BCAT2: variants seen among roughly 807,000 people sequenced by gnomAD.
BCAT2 encodes branched-chain-amino-acid aminotransferase, mitochondrial.
In BCAT2, 44 loss-of-function variants were observed where a neutral mutation model predicts 52.9. The observed-to-expected ratio is 0.83, with a 90% confidence interval of 0.65 to 1.07. BCAT2 has a LOEUF of 1.07. Ranked by LOEUF, BCAT2 falls within the 50% of genes least tolerant of loss-of-function variation. BCAT2 has a pLI of 0.00. For missense variants in BCAT2, 478 were observed against 521.8 expected, an observed-to-expected ratio of 0.92 and a Z score of 0.82; for synonymous variants, 215 against 217.1, an observed-to-expected ratio of 0.99 and a Z score of 0.08.
In BCAT2 at chr19:48,807,787, C is replaced by T. The variant is rs1045271390; in HGVS notation, c.25-713G>A. The T allele has an allele frequency of 9.1e-6, 9 of 985,716 alleles. No homozygotes were observed. The African/African-American group carries it at 1.6e-4, about 17-fold the overall frequency. The allele number at this position is 985,716 out of a possible 1,614,324, so 61.1% of individuals were successfully genotyped here. On this transcript the variant is annotated intron_variant, in intron 1 of 10. Coordinates refer to ENST00000316273, the MANE Select transcript of BCAT2 (RefSeq NM_001190.4). This position sits in a 1 kb window ranked among gnomAD's most constrained non-coding sequence, Gnocchi z 4.6. ...TACAAACCCATTTTGGCAGTGACTCCAATTCCCTTCAGCCCCTGGGGCTGA... is the reference window on the plus strand; with the variant it reads ...TACAAACCCATTTTGGCAGTGACTCTAATTCCCTTCAGCCCCTGGGGCTGA...
At chr19:48,800,434 T>C (rs1200595889) in intron 3 of BCAT2, 137 bp from the exon 4 acceptor site, 3 of 725,410 alleles carry the variant, frequency 4.1e-6, no homozygotes, top group Admixed American at 2.6e-5. Context: ...CGGGGAGATT[T>C]AGCAGCTGGG....
intron 10 of BCAT2, 133 bp downstream of exon 10, chr19:48,796,295 G>T (rs765685326): frequency 2.6e-6 from 3 of 1,164,212 alleles, no homozygotes; most frequent in Non-Finnish European, 1.2e-6. Context: ...ACTCTCCAGG[G>T]CCTCAATAAG....
intron 10 of BCAT2, chr19:48,796,059 C>G (rs562670055): frequency 2.3e-6 from 1 of 425,888 alleles, no homozygotes; most frequent in Non-Finnish European, 4.2e-6. Flanking sequence ...CCAGGGCACC[C>G]GGGGCAGCAG....
rs1212249515 is a variant in BCAT2, at chr19:48,809,159, G to A, written c.24+1825C>T. On this transcript the variant is annotated intron_variant, in intron 1 of 10. Transcript: ENST00000316273. ...GTGGATCGCTTGAGCCCATCTACTCGGGAGGCTGAGGCACCACAGTCACTT... is the reference window on the plus strand; with the variant it reads ...GTGGATCGCTTGAGCCCATCTACTCAGGAGGCTGAGGCACCACAGTCACTT... Among the ~76,000 whole-genome samples the A allele has an allele frequency of 3.4e-5, 5 of 148,496 alleles. No individual in the cohort carries two copies. The East Asian group carries it at 6.0e-4, about 18-fold the overall frequency.
chr19:48,806,534 G>A lies in BCAT2; in HGVS notation c.283C>T (p.Leu95Phe), dbSNP rs1322420040. The A allele has an allele frequency of 1.9e-5, 31 of 1,613,884 alleles. No individual in the cohort carries two copies. The highest frequency in any genetic ancestry group is 2.7e-5 in the African/African-American group (2 of 74,940). The change falls in exon 3 of 11, where the codon CTC becomes TTC. Residue 95 changes from leucine (L) to phenylalanine (F), a missense_variant. Physicochemically the swap from Leu to Phe is conservative, Grantham distance 22. Coordinates refer to ENST00000316273, the MANE Select transcript of BCAT2 (RefSeq NM_001190.4). The part of the protein sequence containing the change: ...NLTLHPASSS[L>F]HYSLQLFEGM... ...CATGCCACCTGCAGGGAGTAGTGGAGGCTGGAGGAGGCTGGGTGCAGCGTG... is the reference window on the plus strand; with the variant it reads ...CATGCCACCTGCAGGGAGTAGTGGAAGCTGGAGGAGGCTGGGTGCAGCGTG...
At chr19:48,810,787 G>A (rs2034904115) in intron 1 of BCAT2, 197 bp downstream of exon 1, 5 of 1,056,086 alleles carry the variant, frequency 4.7e-6, no homozygotes, top group African/African-American at 2.1e-5. Flanking sequence ...CACCTCATCC[G>A]CGTCTACCTG....
chr19:48,806,251 A>T (rs1437306428), intron 3 of BCAT2, among the ~76,000 whole-genome samples: 1 of 150,496 alleles, frequency 6.6e-6, no homozygotes, highest in Non-Finnish European at 1.5e-5. Flanking sequence ...TGGCCTCCAC[A>T]GGGCCTCCAT....
At chr19:48,800,916 C>A (rs1225776424) in intron 3 of BCAT2, among the ~76,000 whole-genome samples, 3 of 152,160 alleles carry the variant, frequency 2.0e-5, no homozygotes, top group Non-Finnish European at 4.4e-5. Flanking sequence ...GACACGTTTA[C>A]CAGACAGCCT....
chr19:48,795,643 C>T (rs1456152652), intron 10 of BCAT2, among the ~76,000 whole-genome samples, 179 bp from the exon 11 acceptor site: 1 of 152,164 alleles, frequency 6.6e-6, no homozygotes, highest in Non-Finnish European at 1.5e-5. Flanking sequence ...TAAGGCGGCG[C>T]AGAGGCTTCC....
chr19:48,806,784 T>C, intron 2 of BCAT2, 67 bp from the exon 3 acceptor site: 1 of 1,568,964 alleles, frequency 6.4e-7, no homozygotes, highest in Non-Finnish European at 8.7e-7. Context: ...ACAACTCCCA[T>C]GAAGCCCTGG....
At chr19:48,808,389 G>T (rs2034840525) in intron 1 of BCAT2, 1 of 440,180 alleles carries the variant, frequency 2.3e-6, no homozygotes, top group East Asian at 1.6e-4. Context: ...ACAGAAAGGG[G>T]CGCACAAACA....
Position 48,807,828 on chromosome 19 carries a change from G to C in BCAT2, c.25-754C>G. On this transcript the variant is annotated intron_variant, in intron 1 of 10. Transcript: ENST00000316273. The surrounding 1 kb of genome is among the most constrained non-coding windows in gnomAD (Gnocchi z 4.6). ...CTGGGGCTGAGGGGCAGCTACAGGG[G>C]CCTGGGGAGCCACTGCAGTCCTCAC... 1.0e-6 allele frequency: 1 copy of C among 985,714 alleles called. No individual in the cohort carries two copies. The highest frequency in any genetic ancestry group is 1.2e-6 in the Non-Finnish European group (1 of 830,056). 61.1% of individuals were successfully genotyped at this position (985,714 alleles called of 1,614,324 possible).
chr19:48,810,731 T>G, intron 1 of BCAT2: 69 of 932,366 alleles, frequency 7.4e-5, no homozygotes, highest in African/African-American at 8.4e-5. Flanking sequence ...CTCCACCATG[T>G]TTCCCTTTTT....
At position 48,800,161 on chromosome 19, in the gene BCAT2, C is replaced by G. The variant is rs553152064; in HGVS notation, c.411+26G>C. 1.1e-5 allele frequency: 17 copies of G among 1,612,788 alleles called. No homozygotes were observed. The African/African-American group carries it at 1.2e-4, about 11-fold the overall frequency. On this transcript the variant is annotated intron_variant, in intron 4 of 10. Coordinates refer to ENST00000316273, the MANE Select transcript of BCAT2 (RefSeq NM_001190.4). ...CTGCCCCGGCCCCAGCCCTCCTCCC[C>G]ACCCCGGTGGACCGGGACCCCTCAC... is the stretch of plus-strand genomic sequence containing the variant.
chr19:48,796,570 C>T lies in BCAT2; in HGVS notation c.1065+8G>A, dbSNP rs35829476. ...TCCCTCCCACCCACAATGGCAGCCC[C>T]GCCTCACCCTGTCTTTGTACAGGAT... On this transcript the variant is annotated splice_region_variant and intron_variant, in intron 9 of 10. Coordinates refer to ENST00000316273, the MANE Select transcript of BCAT2 (RefSeq NM_001190.4). 76,082 of 1,611,944 alleles carry T rather than the reference C, an allele frequency of 0.047. 1,965 individuals carry two copies. The highest frequency in any genetic ancestry group is 0.075 in the Middle Eastern group (457 of 6,058).
chr19:48,797,952 A>T (rs971267896), intron 6 of BCAT2, among the ~76,000 whole-genome samples: 32 of 150,648 alleles, frequency 2.1e-4, no homozygotes, highest in African/African-American at 7.1e-4. Context: ...GAGTAACTGG[A>T]GTAACTGGGG....
At chr19:48,808,568 G>A (rs2034845712) in intron 1 of BCAT2, among the ~76,000 whole-genome samples, 1 of 152,124 alleles carries the variant, frequency 6.6e-6, no homozygotes, top group Admixed American at 6.6e-5. Flanking sequence ...ACCAGCCTGG[G>A]CAACATAGGG....
intron 3 of BCAT2, among the ~76,000 whole-genome samples, chr19:48,801,519 C>T (rs923412410): frequency 6.6e-6 from 1 of 152,054 alleles, no homozygotes; most frequent in African/African-American, 2.4e-5. Flanking sequence ...CTCTATTTCA[C>T]ACCTCACACC....
chr19:48,797,882 T>C (rs537684867), intron 6 of BCAT2, among the ~76,000 whole-genome samples: 2 of 151,448 alleles, frequency 1.3e-5, no homozygotes, highest in African/African-American at 2.4e-5. Flanking sequence ...AGTGGTGCGA[T>C]CTCAGCTCAC....
Sources: allele counts gnomAD v4.1 joint callset (sites outside exome capture counted in the v4.1 genomes callset), GRCh38; gene constraint gnomAD v4.1.1; non-coding constraint Gnocchi (gnomAD v3.1); transcripts MANE v1.5; gene names NCBI Gene and HGNC (gene_info 2026-07-23, HGNC 2026-07-21).